ATP8A1: variants seen among roughly 807,000 people sequenced by gnomAD.
The protein encoded by ATP8A1 is phospholipid-transporting ATPase IA.
A neutral mutation model predicts 177.7 loss-of-function variants in ATP8A1; 90 were observed. The observed-to-expected ratio is 0.51, with a 90% CI of 0.43 to 0.60. The LOEUF is 0.60. ATP8A1 is among the 20% of genes least tolerant of loss of function. The probability of loss-of-function intolerance (pLI) is 0.00; values close to 1 mark genes in which losing one functional copy is unlikely to be tolerated. For synonymous variants in ATP8A1, 493 were observed against 485.9 expected, an observed-to-expected ratio of 1.01 and a Z score of -0.19; for missense variants, 1,072 against 1,392.8, an observed-to-expected ratio of 0.77 and a Z score of 3.67.
intron 5 of ATP8A1, 104 bp from the exon 6 acceptor site, chr4:42,600,622 A>G: frequency 2.9e-6 from 3 of 1,029,172 alleles, no homozygotes; most frequent in Non-Finnish European, 4.2e-6. Flanking sequence ...CAAAATAACT[A>G]GTAGCAATTT....
chr4:42,443,203 C>T (rs1716819051), intron 33 of ATP8A1, among the ~76,000 whole-genome samples: 1 of 152,190 alleles, frequency 6.6e-6, no homozygotes, highest in Non-Finnish European at 1.5e-5. Context: ...TGTCCCCAGA[C>T]AGAAACTCAC....
intron 30 of ATP8A1, among the ~76,000 whole-genome samples, chr4:42,451,361 GCA>G (rs925016484): frequency 6.6e-6 from 1 of 152,148 alleles, no homozygotes; most frequent in Non-Finnish European, 1.5e-5. Context: ...GGATCTCAAG[GCA>G]AAGTCGGCTC....
chr4:42,611,705 C>T (rs184505502), intron 5 of ATP8A1, among the ~76,000 whole-genome samples: 205 of 152,282 alleles, frequency 1.3e-3, no homozygotes, highest in African/African-American at 4.6e-3. Flanking sequence ...TCATAAAAAA[C>T]GACAGCATAT....
intron 29 of ATP8A1, among the ~76,000 whole-genome samples, chr4:42,452,616 G>GCACT (rs1718048111): frequency 6.6e-6 from 1 of 152,082 alleles, no homozygotes; most frequent in Non-Finnish European, 1.5e-5. Context: ...CTTTACTAAA[G>GCACT]GCTTTCACAA....
At chr4:42,472,125 T>G (rs1416670712) in intron 25 of ATP8A1, 2 of 669,968 alleles carry the variant, frequency 3.0e-6, no homozygotes, top group East Asian at 2.9e-5. Context: ...TAAGCCAGCT[T>G]GAAAAAGCCA....
intron 25 of ATP8A1, among the ~76,000 whole-genome samples, chr4:42,466,051 A>G (rs1719728707): frequency 7.6e-6 from 1 of 130,828 alleles, no homozygotes; most frequent in African/African-American, 2.7e-5. Context: ...AAAAAAAAAA[A>G]AAAAAAAGGA....
chr4:42,579,498 T>C (rs1732801578), intron 11 of ATP8A1, among the ~76,000 whole-genome samples: 1 of 150,380 alleles, frequency 6.6e-6, no homozygotes, highest in Non-Finnish European at 1.5e-5. Context: ...TTCTTTACCA[T>C]ATAGTTAACC....
chr4:42,528,598 T>C (rs1403051535), intron 20 of ATP8A1, among the ~76,000 whole-genome samples: 3 of 152,034 alleles, frequency 2.0e-5, no homozygotes, highest in Non-Finnish European at 2.9e-5. Flanking sequence ...ACCACCGACT[T>C]GGCAAATTCC....
intron 5 of ATP8A1, among the ~76,000 whole-genome samples, chr4:42,605,627 G>A (rs1412140443): frequency 3.3e-5 from 5 of 152,196 alleles, no homozygotes; most frequent in African/African-American, 9.6e-5. Flanking sequence ...TCTGCTTGAC[G>A]CCTCCATCTT....
intron 25 of ATP8A1, among the ~76,000 whole-genome samples, chr4:42,482,303 C>T (rs886398841): frequency 1.4e-5 from 2 of 143,094 alleles, no homozygotes; most frequent in Admixed American, 1.5e-4. Context: ...GATTCTGTCT[C>T]CAAAAACAAA....
intron 11 of ATP8A1, among the ~76,000 whole-genome samples, chr4:42,579,500 T>C (rs1015293885): frequency 1.3e-5 from 2 of 150,398 alleles, no homozygotes; most frequent in African/African-American, 4.9e-5. Flanking sequence ...CTTTACCATA[T>C]AGTTAACCAC....
intron 4 of ATP8A1, among the ~76,000 whole-genome samples, chr4:42,623,073 C>A (rs190195661): frequency 1.3e-5 from 2 of 150,710 alleles, no homozygotes; most frequent in Non-Finnish European, 1.5e-5. Flanking sequence ...GACATACATG[C>A]GGCCAGCAAA....
intron 22 of ATP8A1, among the ~76,000 whole-genome samples, chr4:42,517,535 C>T (rs1411869323): frequency 6.6e-6 from 1 of 152,148 alleles, no homozygotes; most frequent in Admixed American, 6.5e-5. Context: ...CAATTCTTCG[C>T]AAAGTGAGTC....
At chr4:42,566,755 A>G (rs767300328) in intron 15 of ATP8A1, among the ~76,000 whole-genome samples, 1 of 152,264 alleles carries the variant, frequency 6.6e-6, no homozygotes. Context: ...TAATGTAACC[A>G]GTACTGTTTT....
chr4:42,623,237 A>G (rs1258012012), intron 4 of ATP8A1, among the ~76,000 whole-genome samples: 1 of 152,162 alleles, frequency 6.6e-6, no homozygotes, highest in African/African-American at 2.4e-5. Flanking sequence ...ACATTTATAC[A>G]CTGTTGGTGG....
intron 15 of ATP8A1, among the ~76,000 whole-genome samples, chr4:42,566,648 A>T (rs1489639628): frequency 4.6e-5 from 7 of 152,218 alleles, no homozygotes; most frequent in Admixed American, 4.6e-4. Flanking sequence ...TATTAAATGA[A>T]AAAGAGAAAT....
intron 24 of ATP8A1, among the ~76,000 whole-genome samples, chr4:42,487,886 AGT>A (rs1241282395): frequency 1.3e-5 from 2 of 152,284 alleles, no homozygotes; most frequent in East Asian, 3.9e-4. Flanking sequence ...CATTACACAC[AGT>A]GACACAAAGG....
intron 1 of ATP8A1, among the ~76,000 whole-genome samples, chr4:42,645,825 A>G (rs1740469506): frequency 6.6e-6 from 1 of 152,206 alleles, no homozygotes; most frequent in Admixed American, 6.5e-5. Context: ...ATTCTGGCAT[A>G]GATGGTAGAC....
intron 27 of ATP8A1, chr4:42,459,228 C>G (rs1330997882): frequency 6.5e-6 from 1 of 153,730 alleles, no homozygotes; most frequent in African/African-American, 2.4e-5. Flanking sequence ...GTTTTAAAAT[C>G]AAAGGCAAGT....
Sources: gnomAD v4.1 joint callset for allele counts (sites outside exome capture counted in the v4.1 genomes callset) on GRCh38, gnomAD v4.1.1 for gene constraint, MANE v1.5 for transcripts, NCBI Gene and HGNC (gene_info 2026-07-23, HGNC 2026-07-21) for gene names.